SMAD3: variants seen among roughly 807,000 people sequenced by gnomAD.
The protein encoded by SMAD3 is SMAD family member 3.
A neutral mutation model predicts 51.8 loss-of-function variants in SMAD3; 12 were observed. The observed-to-expected ratio is 0.23, with a 90% CI of 0.15 to 0.38. SMAD3 has a LOEUF of 0.38. Ranked by LOEUF, SMAD3 falls within the 10% of genes least tolerant of loss-of-function variation. The pLI is 1.00. For missense variants in SMAD3, 294 were observed against 565.6 expected, an observed-to-expected ratio of 0.52 and a Z score of 4.87; for synonymous variants, 238 against 227.7, an observed-to-expected ratio of 1.05 and a Z score of -0.41.
chr15:67,107,152 T>C (rs1290969522), intron 1 of SMAD3, among the ~76,000 whole-genome samples: 6 of 149,624 alleles, frequency 4.0e-5, no homozygotes, highest in Non-Finnish European at 3.0e-5. Context: ...ACTGAGTGCA[T>C]TAAAAAAAAA....
Position 67,192,871 on chromosome 15 carries a change from A to T in SMAD3, c.*2335A>T, listed in dbSNP as rs1963403179. Reference sequence around the variant, plus strand: ...TAGAACCCTCATTGCTCAGACCTGAAGGCTACTTCTAGGAGCATGAAGTTT... The same window carrying T: ...TAGAACCCTCATTGCTCAGACCTGATGGCTACTTCTAGGAGCATGAAGTTT... On this transcript the variant is annotated 3_prime_UTR_variant, in exon 9 of 9. Coordinates refer to ENST00000327367, the MANE Select transcript of SMAD3 (RefSeq NM_005902.4). 8.6e-6 allele frequency: 2 copies of T among 233,266 alleles called. No homozygotes were observed. The highest frequency in any genetic ancestry group is 6.0e-5 in the East Asian group (1 of 16,734). 14.4% of individuals were successfully genotyped at this position (233,266 alleles called of 1,614,324 possible).
intron 1 of SMAD3, among the ~76,000 whole-genome samples, chr15:67,074,590 C>T (rs1427197975): frequency 6.6e-6 from 1 of 152,220 alleles, no homozygotes; most frequent in Non-Finnish European, 1.5e-5. Flanking sequence ...CATGGCTCTC[C>T]CAGCTTACAT....
rs74659528 is a variant in SMAD3 at position 67,086,908 on chromosome 15, T to C, written c.206+20548T>C. ...CATATCTTCTCCTTTTTTTTTTTTT[T>C]TTCTGAGACGGAGTTTCGCTCTTGT... On this transcript the variant is annotated intron_variant, in intron 1 of 8. Transcript: ENST00000327367. Among the ~76,000 whole-genome samples the C allele has an allele frequency of 3.1e-3, 474 of 151,958 alleles. 2 individuals carry two copies. Among genetic ancestry groups the C allele is most frequent in the Non-Finnish European group, 5.3e-3 (361 of 67,926 alleles).
chr15:67,067,074 A>AT (rs1037840544), intron 1 of SMAD3, among the ~76,000 whole-genome samples: 85 of 70,914 alleles, frequency 1.2e-3, no homozygotes, highest in Middle Eastern at 0.015. Context: ...CCACCCCCCC[A>AT]TCCCGACTCT....
At position 67,165,298 on chromosome 15, in the gene SMAD3, A is replaced by G; in HGVS notation, c.446A>G (p.Glu149Gly). 1 of 1,614,114 alleles carries G rather than the reference A, an allele frequency of 6.2e-7. No homozygotes were observed. Among genetic ancestry groups the G allele is most frequent in the Non-Finnish European group, 8.5e-7 (1 of 1,180,026 alleles). ...CCACGCCACACAGAGATCCCGGCCG[A>G]GTTCCCCCCACTGGACGACTACAGC... The part of the protein sequence containing the change: ...LVPRHTEIPA[E>G]FPPLDDYSHS... Residue 149 changes from glutamate (E) to glycine (G), a missense_variant, in exon 3 of 9, where the codon GAG becomes GGG. Around this residue, in one of 3 missense-constraint regions of SMAD3, gnomAD observed 147 missense variants for 260.9 expected, o/e 0.56. Coordinates refer to ENST00000327367, the MANE Select transcript of SMAD3 (RefSeq NM_005902.4).
chr15:67,163,697 C>T (rs947853532), intron 1 of SMAD3, among the ~76,000 whole-genome samples: 4 of 152,150 alleles, frequency 2.6e-5, no homozygotes, highest in African/African-American at 9.7e-5. Flanking sequence ...CACACTTTGG[C>T]CTGGCTTGAG....
intron 5 of SMAD3, among the ~76,000 whole-genome samples, chr15:67,172,105 C>A (rs74020119): frequency 0.035 from 5,281 of 152,266 alleles, 212 homozygotes; most frequent in East Asian, 0.19. Context: ...TGGTCATTTG[C>A]TGTGAACTTC....
chr15:67,101,871 T>C (rs1452781086), intron 1 of SMAD3, among the ~76,000 whole-genome samples: 2 of 152,210 alleles, frequency 1.3e-5, no homozygotes, highest in Non-Finnish European at 2.9e-5. Flanking sequence ...CTGTTGAGAC[T>C]CTTACTGAAA....
chr15:67,144,142 T>A (rs1961910165), intron 1 of SMAD3, among the ~76,000 whole-genome samples: 1 of 152,204 alleles, frequency 6.6e-6, no homozygotes, highest in African/African-American at 2.4e-5. Context: ...CTCTTTGCAA[T>A]TTCACCATCT....
intron 1 of SMAD3, among the ~76,000 whole-genome samples, chr15:67,120,188 C>T (rs560833132): frequency 5.3e-5 from 8 of 152,108 alleles, no homozygotes; most frequent in Admixed American, 3.3e-4. Flanking sequence ...TTTTGCTAGC[C>T]GTAAGTCCCT....
At chr15:67,081,431 G>T (rs1388902078) in intron 1 of SMAD3, among the ~76,000 whole-genome samples, 1 of 152,154 alleles carries the variant, frequency 6.6e-6, no homozygotes, top group Non-Finnish European at 1.5e-5. Flanking sequence ...CAGTAAGCCA[G>T]TTGGCCCCTT....
intron 1 of SMAD3, among the ~76,000 whole-genome samples, chr15:67,076,043 G>A (rs1014811707): frequency 6.6e-6 from 1 of 152,152 alleles, no homozygotes; most frequent in Non-Finnish European, 1.5e-5. Context: ...GGCAGATGAT[G>A]TCCGTCGACT....
At chr15:67,170,772 A>G in intron 5 of SMAD3, 168 bp downstream of exon 5, 2 of 614,564 alleles carry the variant, frequency 3.3e-6, no homozygotes, top group Non-Finnish European at 2.9e-6. Flanking sequence ...TCACCACGGA[A>G]TGGGGAAACT....
At chr15:67,173,895 G>A (rs1423163122) in intron 5 of SMAD3, among the ~76,000 whole-genome samples, 1 of 152,232 alleles carries the variant, frequency 6.6e-6, no homozygotes, top group African/African-American at 2.4e-5. Context: ...GTGGGATGAT[G>A]GTGATGCCCC....
At chr15:67,153,642 A>G (rs1266780252) in intron 1 of SMAD3, among the ~76,000 whole-genome samples, 1 of 152,156 alleles carries the variant, frequency 6.6e-6, no homozygotes, top group Non-Finnish European at 1.5e-5. Context: ...CAGTTGTCAC[A>G]GCTGCAGGTG....
Position 67,138,677 on chromosome 15 carries a change from A to G in SMAD3, c.207-26218A>G, listed in dbSNP as rs185880328. On this transcript the variant is annotated intron_variant, in intron 1 of 8. Transcript: ENST00000327367. ...TTCAATTAGGCCTGTGACTGTTTTC[A>G]CATGGCTATTTGTATATACAAGCCA... Among the ~76,000 whole-genome samples the G allele has an allele frequency of 3.9e-5, 6 of 152,328 alleles. No homozygotes were observed. The East Asian group carries it at 1.2e-3, about 29-fold the overall frequency.
chr15:67,109,269 A>G (rs1163090931), intron 1 of SMAD3, among the ~76,000 whole-genome samples: 1 of 152,170 alleles, frequency 6.6e-6, no homozygotes, highest in Non-Finnish European at 1.5e-5. Context: ...CTTGCCATGC[A>G]CTGAAAAATG....
chr15:67,153,555 G>A (rs531965268), intron 1 of SMAD3, among the ~76,000 whole-genome samples: 53 of 152,186 alleles, frequency 3.5e-4, no homozygotes, highest in Non-Finnish European at 5.4e-4. Flanking sequence ...CCTTAGCCCA[G>A]GGGGATCTCA....
At chr15:67,156,069 G>A (rs1459098117) in intron 1 of SMAD3, among the ~76,000 whole-genome samples, 2 of 152,110 alleles carry the variant, frequency 1.3e-5, no homozygotes, top group Non-Finnish European at 2.9e-5. Flanking sequence ...GGAAAGAGAT[G>A]GGGAGGATAT....
Sources: gnomAD v4.1 joint callset for allele counts (sites outside exome capture counted in the v4.1 genomes callset) on GRCh38, gnomAD v4.1.1 for gene constraint, gnomAD v4.1.1 regional missense constraint, MANE v1.5 for transcripts, NCBI Gene and HGNC (gene_info 2026-07-23, HGNC 2026-07-21) for gene names.